VCAM1: variants seen among roughly 807,000 people sequenced by gnomAD.
VCAM1 encodes vascular cell adhesion molecule 1, also known as vascular cell adhesion protein 1.
Under a neutral mutation model 63.8 loss-of-function variants are expected in VCAM1, and 41 were observed. The observed-to-expected ratio is 0.64, with a 90% CI of 0.50 to 0.83. The LOEUF (loss-of-function observed/expected upper bound fraction) is 0.83, where lower values mean the gene tolerates loss of function less well. Among genes scored for constraint, VCAM1 ranks in the 40% least tolerant of loss-of-function variants. The pLI is 0.00. For synonymous variants in VCAM1, 338 were observed against 320.7 expected, an observed-to-expected ratio of 1.05 and a Z score of -0.58; for missense variants, 798 against 875.5, an observed-to-expected ratio of 0.91 and a Z score of 1.12.
At chr1:100,727,395 G>A (rs1025389350) in intron 4 of VCAM1, among the ~76,000 whole-genome samples, 5 of 152,002 alleles carry the variant, frequency 3.3e-5, no homozygotes, top group African/African-American at 4.8e-5. Context: ...GGATTATCTC[G>A]GTTGGATGTT....
chr1:100,732,703 A>G lies in VCAM1; in HGVS notation c.1792+19A>G. ...ATCCAAGGTGAGCAGAGTGTGAGTA[A>G]TGAGTTATCCTTGCTAGTAATGTTT... On this transcript the variant is annotated intron_variant, in intron 7 of 8. Transcript: ENST00000294728. 3 of 1,549,562 alleles carry G rather than the reference A, an allele frequency of 1.9e-6. No homozygotes were observed. The highest frequency in any genetic ancestry group is 1.7e-6 in the Non-Finnish European group (2 of 1,151,492).
chr1:100,738,051 C>T lies in VCAM1; in HGVS notation c.2060-72C>T, dbSNP rs534058355. 1.1e-5 allele frequency: 16 copies of T among 1,502,562 alleles called. No homozygotes were observed. The Admixed American group carries it at 2.7e-4, about 25-fold the overall frequency. 93.1% of individuals were successfully genotyped at this position (1,502,562 alleles called of 1,614,324 possible). On this transcript the variant is annotated intron_variant, in intron 8 of 8. Coordinates refer to ENST00000294728, the MANE Select transcript of VCAM1 (RefSeq NM_001078.4). ...GAACTAGTTGTACTGTTATAATAAA[C>T]ATGTAACTGTTGTTATTAAATGCTA...
chr1:100,734,043 C>A (rs151130657), intron 7 of VCAM1, among the ~76,000 whole-genome samples: 1 of 152,050 alleles, frequency 6.6e-6, no homozygotes, highest in African/African-American at 2.4e-5. Context: ...CTTAACATGG[C>A]GGCAGGCAAG....
rs1157633928 is a variant in VCAM1, at chr1:100,724,783, C to A, written c.821C>A (p.Ala274Glu). The change falls in exon 4 of 9, where the codon GCA (alanine) becomes GAA (glutamate). Residue 274 changes from alanine to glutamate, a missense_variant. Ala to Glu is a moderately radical substitution (Grantham distance 107, BLOSUM62 -1). Transcript: ENST00000294728. ...AATCTACAGCACCTTTCTGGAAATG[C>A]AACTCTCACCTTAATTGCTATGAGG... is the stretch of plus-strand genomic sequence containing the variant. ...NGNLQHLSGNATLTLIAMRME... is the reference protein window; with the variant it reads ...NGNLQHLSGNETLTLIAMRME... 1 of 1,612,948 alleles carries A rather than the reference C, an allele frequency of 6.2e-7. No individual in the cohort carries two copies. Among genetic ancestry groups the A allele is most frequent in the Non-Finnish European group, 8.5e-7 (1 of 1,179,424 alleles).
At chr1:100,737,572 C>T (rs896888171) in intron 8 of VCAM1, 1 of 151,970 alleles carries the variant, frequency 6.6e-6, no homozygotes, top group African/African-American at 2.4e-5. Context: ...CTATTTCTGA[C>T]ATAAAAAACA....
intron 2 of VCAM1, among the ~76,000 whole-genome samples, chr1:100,721,558 C>T (rs78989132): frequency 0.026 from 3,958 of 152,104 alleles, 157 homozygotes; most frequent in African/African-American, 0.092. Context: ...AACCCATTTA[C>T]GGTCATGTCT....
In VCAM1 at chr1:100,731,474, T is replaced by C. The variant is rs187565500; in HGVS notation, c.1481T>C (p.Phe494Ser). The change falls in exon 6 of 9, where the codon TTC (phenylalanine) becomes TCC (serine). Residue 494 changes from phenylalanine (F) to serine (S), a missense_variant. Coordinates refer to ENST00000294728, the MANE Select transcript of VCAM1 (RefSeq NM_001078.4). The surrounding 1 kb of genome is among the most constrained non-coding windows in gnomAD (Gnocchi z 4.2). Reference sequence around the variant, plus strand: ...AAGTTACATATTGATGACATGGAATTCGAACCCAAACAAAGGCAGAGTACG... The same window carrying C: ...AAGTTACATATTGATGACATGGAATCCGAACCCAAACAAAGGCAGAGTACG... Reference protein sequence around the residue: ...QAKLHIDDMEFEPKQRQSTQT... With the variant: ...QAKLHIDDMESEPKQRQSTQT... The C allele has an allele frequency of 6.2e-7, 1 of 1,613,536 alleles. No individual in the cohort carries two copies. Among genetic ancestry groups the C allele is most frequent in the African/African-American group, 1.3e-5 (1 of 74,980 alleles).
intron 8 of VCAM1, 98 bp downstream of exon 8, chr1:100,734,866 G>A: frequency 7.1e-7 from 1 of 1,402,670 alleles, no homozygotes; most frequent in Non-Finnish European, 9.7e-7. Flanking sequence ...TGGCAAAATG[G>A]AGCTGTGGTT....
At chr1:100,721,423 G>C (rs1051619471) in intron 2 of VCAM1, among the ~76,000 whole-genome samples, 1 of 151,914 alleles carries the variant, frequency 6.6e-6, no homozygotes, top group African/African-American at 2.4e-5. Context: ...TAGTTTACCA[G>C]CCTGACAAAA....
In VCAM1 at chr1:100,732,506, C is replaced by A. The variant is rs1411733379; in HGVS notation, c.1614C>A (p.Gly538=). 14 of 1,613,138 alleles carry A rather than the reference C, an allele frequency of 8.7e-6. No individual in the cohort carries two copies. The highest frequency in any genetic ancestry group is 1.2e-5 in the Non-Finnish European group (14 of 1,179,612). Residue 538 remains glycine, a synonymous_variant, in exon 7 of 9, where the codon GGC becomes GGA. Transcript: ENST00000294728. The stretch of plus-strand genomic sequence containing the variant: ...TGAATATGACATGCTTGAGCCAGGG[C>A]TTTCCTGCTCCGAAAATCCTGTGGA... The part of the protein sequence containing the change: ...SSVNMTCLSQ[G]FPAPKILWSR...
chr1:100,732,817 T>G, intron 7 of VCAM1, 133 bp downstream of exon 7: 1 of 983,500 alleles, frequency 1.0e-6, no homozygotes, highest in South Asian at 2.4e-5. Flanking sequence ...GTTTATGATG[T>G]TTCCAATGTA....
chr1:100,738,494 G>A lies in VCAM1; in HGVS notation c.*211G>A, dbSNP rs762279484. On this transcript the variant is annotated 3_prime_UTR_variant, in exon 9 of 9. Transcript: ENST00000294728. ...AGAACAGTAACTGCCATCAAGATGA[G>A]AGAACTGGAGGAGTTCCTTGATCTG... The A allele has an allele frequency of 8.4e-5, 38 of 453,482 alleles. No homozygotes were observed. Among genetic ancestry groups the A allele is most frequent in the Non-Finnish European group, 1.2e-4 (31 of 255,484 alleles). 28.1% of individuals were successfully genotyped at this position (453,482 alleles called of 1,614,324 possible).
chr1:100,734,445 T>A (rs1660579297), intron 7 of VCAM1, 57 bp from the exon 8 acceptor site: 6 of 1,546,300 alleles, frequency 3.9e-6, no homozygotes, highest in Non-Finnish European at 5.2e-6. Context: ...GCTAAATTAA[T>A]ATGGAGTTGG....
chr1:100,724,741 A>AC lies in VCAM1; in HGVS notation c.779_780insC (p.Lys260AsnfsTer5). 6.2e-7 allele frequency: 1 copy of AC among 1,613,124 alleles called. No homozygotes were observed. The highest frequency in any genetic ancestry group is 8.5e-7 in the Non-Finnish European group (1 of 1,179,464). ...CCAGCTCCAGAGATTTTCTGGAGTA[A>AC]GAAATTAGATAATGGGAATCTACAG... On this transcript the variant is annotated frameshift_variant, in exon 4 of 9. Transcript: ENST00000294728. LOFTEE classifies it high-confidence loss of function.
chr1:100,724,874 G>A lies in VCAM1; in HGVS notation c.912G>A (p.Val304=). Reference sequence around the variant, plus strand: ...TGATTGGGAAAAACAGAAAAGAGGTGGAATTAATTGTTCAAGGTGAGTAGA... The same window carrying A: ...TGATTGGGAAAAACAGAAAAGAGGTAGAATTAATTGTTCAAGGTGAGTAGA... ...VNLIGKNRKE[V]ELIVQEKPFT... Residue 304 remains valine (V), a synonymous_variant, in exon 4 of 9, where the codon GTG becomes GTA. Coordinates refer to ENST00000294728, the MANE Select transcript of VCAM1 (RefSeq NM_001078.4). 1.2e-6 allele frequency: 2 copies of A among 1,612,416 alleles called. No homozygotes were observed. Among genetic ancestry groups the A allele is most frequent in the South Asian group, 2.2e-5 (2 of 90,994 alleles).
In VCAM1 at chr1:100,736,636, G is replaced by A. The variant is rs555102771; in HGVS notation, c.2060-1487G>A. ...ATAGAAATAGTATTTCTGTTTCTCAGCATGTCATCAATATTGATGCCTATC... is the reference window on the plus strand; with the variant it reads ...ATAGAAATAGTATTTCTGTTTCTCAACATGTCATCAATATTGATGCCTATC... On this transcript the variant is annotated intron_variant, in intron 8 of 8. Coordinates refer to ENST00000294728, the MANE Select transcript of VCAM1 (RefSeq NM_001078.4). 4 of 152,226 alleles carry A rather than the reference G, an allele frequency of 2.6e-5. No individual in the cohort carries two copies. The South Asian group carries it at 6.2e-4, about 24-fold the overall frequency. The allele number at this position is 152,226 out of a possible 1,614,324, so 9.4% of individuals were successfully genotyped here.
chr1:100,723,715 CACAGGT>C (rs1463383037), intron 3 of VCAM1, among the ~76,000 whole-genome samples: 3 of 151,954 alleles, frequency 2.0e-5, no homozygotes, highest in Non-Finnish European at 4.4e-5. Context: ...CTATTAGTTG[CACAGGT>C]ACAGAAACTT....
intron 8 of VCAM1, chr1:100,737,502 G>T (rs1660698877): frequency 6.6e-6 from 1 of 152,064 alleles, no homozygotes; most frequent in Admixed American, 6.5e-5. Flanking sequence ...ACTGTCCAAA[G>T]AACTCTAGTT....
chr1:100,732,782 A>G, intron 7 of VCAM1, 98 bp downstream of exon 7: 3 of 1,351,206 alleles, frequency 2.2e-6, no homozygotes, highest in Non-Finnish European at 3.0e-6. Flanking sequence ...TTTTTACTAC[A>G]AAAGTGTGAT....
Sources: gnomAD v4.1 joint callset for allele counts (sites outside exome capture counted in the v4.1 genomes callset) on GRCh38, gnomAD v4.1.1 for gene constraint, Gnocchi (gnomAD v3.1) non-coding constraint, MANE v1.5 for transcripts, NCBI Gene and HGNC (gene_info 2026-07-23, HGNC 2026-07-21) for gene names.